TSPEAR: variants seen among roughly 807,000 people sequenced by gnomAD.
TSPEAR encodes thrombospondin type laminin G domain and EAR repeats, also known as thrombospondin-type laminin G domain and EAR repeat-containing protein.
In TSPEAR, 69 loss-of-function variants were observed where a neutral mutation model predicts 71.6. The observed-to-expected ratio is 0.96, with a 90% CI of 0.79 to 1.18. TSPEAR has a LOEUF of 1.18. Ranked by LOEUF, TSPEAR falls within the 50% of genes most tolerant of loss-of-function variation. The probability of loss-of-function intolerance (pLI) is 0.00; values close to 1 mark genes in which losing one functional copy is unlikely to be tolerated. For missense variants in TSPEAR, 971 were observed against 894.9 expected, an observed-to-expected ratio of 1.09 and a Z score of -1.09; for synonymous variants, 402 against 387.2, an observed-to-expected ratio of 1.04 and a Z score of -0.45.
rs2053299887 is a variant in TSPEAR, at chr21:44,546,115, TA to T, written c.304-12193del. Among the ~76,000 whole-genome samples, 1 of 152,178 alleles carries T rather than the reference TA, an allele frequency of 6.6e-6. No individual in the cohort carries two copies. Among genetic ancestry groups the T allele is most frequent in the Non-Finnish European group, 1.5e-5 (1 of 68,024 alleles). ...AATATCACTACTGACCTTACATTAA[TA>T]AAAAGGATTATAAGGAATACTATGA... On this transcript the variant is annotated intron_variant, in intron 2 of 11. Transcript: ENST00000323084. This position sits in a 1 kb window ranked among gnomAD's most constrained non-coding sequence, Gnocchi z 4.4.
rs1555938746 is a variant in TSPEAR, at chr21:44,642,586, G to C, written c.82+68847C>G. On this transcript the variant is annotated intron_variant, in intron 1 of 11. Coordinates refer to ENST00000323084, the MANE Select transcript of TSPEAR (RefSeq NM_144991.3). The surrounding 1 kb of genome is among the most constrained non-coding windows in gnomAD (Gnocchi z 4.1). Reference sequence around the variant, plus strand: ...GGGCCGGGCGCAGTGGCTCATGCCTGTAATCCCAGCACTTTGAGAGGCCGA... The same window carrying C: ...GGGCCGGGCGCAGTGGCTCATGCCTCTAATCCCAGCACTTTGAGAGGCCGA... Among the ~76,000 whole-genome samples, 1 of 152,216 alleles carries C rather than the reference G, an allele frequency of 6.6e-6. No individual in the cohort carries two copies. Among genetic ancestry groups the C allele is most frequent in the Non-Finnish European group, 1.5e-5 (1 of 68,034 alleles).
rs117585826 is a variant in TSPEAR at position 44,590,089 on chromosome 21, G to A, written c.83-22084C>T. On this transcript the variant is annotated intron_variant, in intron 1 of 11. Coordinates refer to ENST00000323084, the MANE Select transcript of TSPEAR (RefSeq NM_144991.3). ...TGGGTCTGCCTGGAGGGGAGTGAGC[G>A]AGGCGGCTGTGCTGACCACAGGGAG... 9.6e-3 allele frequency among the ~76,000 whole-genome samples: 1,465 copies of A among 152,336 alleles called. 8 individuals are homozygous for A. The highest frequency in any genetic ancestry group is 0.013 in the Non-Finnish European group (884 of 68,034).
chr21:44,570,920 C>T (rs1420352062), intron 1 of TSPEAR, among the ~76,000 whole-genome samples: 8 of 152,052 alleles, frequency 5.3e-5, no homozygotes, highest in South Asian at 2.1e-4. Flanking sequence ...CCTTGATAGG[C>T]GCAAATACCA....
intron 1 of TSPEAR, among the ~76,000 whole-genome samples, chr21:44,596,897 T>G (rs1555927670): frequency 6.6e-6 from 1 of 152,248 alleles, no homozygotes; most frequent in Non-Finnish European, 1.5e-5. Flanking sequence ...GCCCTTTCTC[T>G]GATATACAGA....
chr21:44,627,831 C>A (rs1219528002), intron 1 of TSPEAR: 2 of 1,613,996 alleles, frequency 1.2e-6, no homozygotes, highest in Middle Eastern at 3.3e-4. Context: ...CGGCTTGCTG[C>A]ACCACCTCCT....
intron 1 of TSPEAR, among the ~76,000 whole-genome samples, chr21:44,673,701 C>A (rs1051839292): frequency 6.6e-6 from 1 of 152,122 alleles, no homozygotes; most frequent in Non-Finnish European, 1.5e-5. Context: ...AGGACAGACC[C>A]TATGTTTGGC....
In TSPEAR at chr21:44,670,640, T is replaced by G. The variant is rs1986010118; in HGVS notation, c.82+40793A>C. ...CTAGCCATGGGAGAGCCTCTTATTC[T>G]TCACATGCCCTGAGACTTACATAGG... is the stretch of plus-strand genomic sequence containing the variant. On this transcript the variant is annotated intron_variant, in intron 1 of 11. Transcript: ENST00000323084. Among the ~76,000 whole-genome samples the G allele has an allele frequency of 2.0e-5, 3 of 152,182 alleles. No homozygotes were observed. The South Asian group carries it at 6.2e-4, about 32-fold the overall frequency.
Position 44,507,808 on chromosome 21 carries a change from G to A in TSPEAR, c.1754+1391C>T, listed in dbSNP as rs149465045. On this transcript the variant is annotated intron_variant, in intron 10 of 11. Transcript: ENST00000323084. ...CGTTGACATTGGATGGCGTGGATTC[G>A]TGCTGGGGACACACAACTGCCACCG... 1.5e-3 allele frequency among the ~76,000 whole-genome samples: 226 copies of A among 152,304 alleles called. 1 individual carries two copies. The highest frequency in any genetic ancestry group is 5.2e-3 in the African/African-American group (218 of 41,564).
At chr21:44,518,654 C>T (rs2052662777) in intron 9 of TSPEAR, 1 of 470,838 alleles carries the variant, frequency 2.1e-6, no homozygotes, top group Non-Finnish European at 4.4e-6. Context: ...CTCAAGACCC[C>T]CTGGAGGCCC....
chr21:44,567,955 T>C lies in TSPEAR; in HGVS notation c.133A>G (p.Thr45Ala). The change falls in exon 2 of 12, where the codon ACA (threonine) becomes GCA (alanine). Residue 45 changes from threonine to alanine, a missense_variant. Transcript: ENST00000323084. ...ACCTGAACTATCCTGATCCCGCTTG[T>C]GGCGCCATCAGAAGGGACCACTTCC... Reference protein sequence around the residue: ...LAEVVPSDGATSGIRIVQVHG... With the variant: ...LAEVVPSDGAASGIRIVQVHG... 6.3e-7 allele frequency: 1 copy of C among 1,577,808 alleles called. No homozygotes were observed. Among genetic ancestry groups the C allele is most frequent in the South Asian group, 1.2e-5 (1 of 86,750 alleles).
rs974702841 is a variant in TSPEAR, at chr21:44,642,790, C to T, written c.82+68643G>A. On this transcript the variant is annotated intron_variant, in intron 1 of 11. Transcript: ENST00000323084. This position sits in a 1 kb window ranked among gnomAD's most constrained non-coding sequence, Gnocchi z 4.1. ...CTGGGAGGCAGAGCTTGCAGTGAGC[C>T]GAGATTGTGCCACTGCACTCCAGCC... Among the ~76,000 whole-genome samples the T allele has an allele frequency of 3.3e-5, 5 of 151,572 alleles. No individual in the cohort carries two copies. The highest frequency in any genetic ancestry group is 1.9e-4 in the East Asian group (1 of 5,176).
chr21:44,528,338 A>G (rs2052898170), intron 6 of TSPEAR, 114 bp downstream of exon 6: 1 of 1,477,282 alleles, frequency 6.8e-7, no homozygotes, highest in Admixed American at 1.9e-5. Context: ...CTGACGGCCA[A>G]GCCTGAGGTC....
chr21:44,558,217 T>G (rs1411699056), intron 2 of TSPEAR: 3 of 1,563,224 alleles, frequency 1.9e-6, no homozygotes, highest in Non-Finnish European at 2.6e-6. Flanking sequence ...CAGGTGGACC[T>G]GCACACGGGG....
chr21:44,707,821 T>A (rs1555952771), intron 1 of TSPEAR, among the ~76,000 whole-genome samples: 1 of 152,048 alleles, frequency 6.6e-6, no homozygotes, highest in African/African-American at 2.4e-5. Flanking sequence ...ATGAATGGAT[T>A]CAGTAAATAA....
chr21:44,636,204 T>G (rs1419681375), intron 1 of TSPEAR, among the ~76,000 whole-genome samples: 1 of 152,226 alleles, frequency 6.6e-6, no homozygotes, highest in African/African-American at 2.4e-5. Flanking sequence ...AGCTGAGGCA[T>G]GTGGACCGGT....
chr21:44,699,709 C>G (rs1326756762), intron 1 of TSPEAR, among the ~76,000 whole-genome samples: 1 of 152,232 alleles, frequency 6.6e-6, no homozygotes, highest in Admixed American at 6.5e-5. Flanking sequence ...TGACTTTTCT[C>G]TATGTGCGTT....
At position 44,612,582 on chromosome 21, in the gene TSPEAR, G is replaced by A; in HGVS notation, c.83-44577C>T. Reference sequence around the variant, plus strand: ...TCAGCTTGCTGCACCTTCTCCCCATGCCAACAGGCCTGCTGTGTGCCCATC... The same window carrying A: ...TCAGCTTGCTGCACCTTCTCCCCATACCAACAGGCCTGCTGTGTGCCCATC... On this transcript the variant is annotated intron_variant, in intron 1 of 11. Transcript: ENST00000323084. This position sits in a 1 kb window ranked among gnomAD's most constrained non-coding sequence, Gnocchi z 4.1. 1.2e-6 allele frequency: 2 copies of A among 1,614,074 alleles called. No individual in the cohort carries two copies. The highest frequency in any genetic ancestry group is 1.7e-6 in the Non-Finnish European group (2 of 1,180,022).
intron 1 of TSPEAR, among the ~76,000 whole-genome samples, chr21:44,667,638 C>T (rs2089545384): frequency 6.6e-6 from 1 of 152,128 alleles, no homozygotes; most frequent in South Asian, 2.1e-4. Flanking sequence ...ACAGCCACAG[C>T]AGGATATGTG....
chr21:44,611,698 C>A (rs1299021367), intron 1 of TSPEAR, among the ~76,000 whole-genome samples: 33 of 152,240 alleles, frequency 2.2e-4, no homozygotes, highest in Admixed American at 1.8e-3. Flanking sequence ...TAAAAAAACA[C>A]CCCACCCCTG....
Sources: gnomAD v4.1 joint callset for allele counts (sites outside exome capture counted in the v4.1 genomes callset) on GRCh38, gnomAD v4.1.1 for gene constraint, Gnocchi (gnomAD v3.1) non-coding constraint, MANE v1.5 for transcripts, NCBI Gene and HGNC (gene_info 2026-07-23, HGNC 2026-07-21) for gene names.